Variants in ATL1 observed in about 807,000 individuals in gnomAD.
ATL1 encodes atlastin GTPase 1, also known as atlastin-1.
ATL1 carries 31 observed loss-of-function variants against 75.5 expected under a neutral mutation model. That is an observed-to-expected ratio of 0.41 (90% confidence interval 0.31 to 0.55). The LOEUF (loss-of-function observed/expected upper bound fraction) is 0.55, where lower values mean the gene tolerates loss of function less well. Among genes scored for constraint, ATL1 ranks in the 20% least tolerant of loss-of-function variants. The pLI is 0.27. For synonymous variants in ATL1, 226 were observed against 233.3 expected, an observed-to-expected ratio of 0.97 and a Z score of 0.28; for missense variants, 405 against 662.6, an observed-to-expected ratio of 0.61 and a Z score of 4.27.
chr14:50,557,403 G>A (rs2038777506), upstream of ATL1, among the ~76,000 whole-genome samples: 1 of 152,014 alleles, frequency 6.6e-6, no homozygotes, highest in African/African-American at 2.4e-5. Flanking sequence ...ACAGATGAAT[G>A]GATACTTTTT....
chr14:50,562,919 G>A (rs2038865313), intron 1 of ATL1, among the ~76,000 whole-genome samples: 1 of 152,108 alleles, frequency 6.6e-6, no homozygotes, highest in African/African-American at 2.4e-5. Flanking sequence ...TAACACAGTA[G>A]GCATTTAGTA....
intron 1 of ATL1, among the ~76,000 whole-genome samples, chr14:50,569,861 T>A (rs1413484832): frequency 1.3e-5 from 2 of 152,236 alleles, no homozygotes; most frequent in East Asian, 3.8e-4. Context: ...GCACTTAGAC[T>A]ATGTCTGCCC....
At position 50,623,912 on chromosome 14, in the gene ATL1, A is replaced by T. The variant is rs527848224; in HGVS notation, c.1119+664A>T. Among the ~76,000 whole-genome samples, 9 of 152,156 alleles carry T rather than the reference A, an allele frequency of 5.9e-5. No homozygotes were observed. The South Asian group carries it at 1.7e-3, about 28-fold the overall frequency. ...CTAAAATAACAAAAAAAAATTAGCC[A>T]GGCCTGATGGCACGCACCTGTAATC... On this transcript the variant is annotated intron_variant, in intron 11 of 13. Coordinates refer to ENST00000358385, the MANE Select transcript of ATL1 (RefSeq NM_015915.5).
intron 1 of ATL1, among the ~76,000 whole-genome samples, chr14:50,533,728 T>G (rs578226375): frequency 9.2e-5 from 14 of 152,348 alleles, no homozygotes; most frequent in African/African-American, 3.4e-4. Flanking sequence ...AACATCCAAT[T>G]TTTAATTCTG....
intron 1 of ATL1, among the ~76,000 whole-genome samples, chr14:50,542,205 C>G (rs1392590097): frequency 1.4e-5 from 2 of 147,432 alleles, no homozygotes; most frequent in Non-Finnish European, 3.0e-5. Context: ...CCTGCATGTT[C>G]TCACTCATAA....
At chr14:50,552,436 A>G (rs2038714203) in intron 1 of ATL1, among the ~76,000 whole-genome samples, 1 of 152,254 alleles carries the variant, frequency 6.6e-6, no homozygotes, top group Non-Finnish European at 1.5e-5. Context: ...ACATGACCAT[A>G]CTGCCAAAAG....
At chr14:50,547,430 G>A (rs1049422745) in intron 1 of ATL1, among the ~76,000 whole-genome samples, 1 of 152,148 alleles carries the variant, frequency 6.6e-6, no homozygotes, top group Middle Eastern at 3.2e-3. Flanking sequence ...TCTGTGAGCT[G>A]AATAAAAACA....
intron 1 of ATL1, among the ~76,000 whole-genome samples, chr14:50,571,239 G>A (rs2038952575): frequency 6.6e-6 from 1 of 152,132 alleles, no homozygotes; most frequent in Non-Finnish European, 1.5e-5. Context: ...AATTTTGGAG[G>A]ACAGGGGTTC....
intron 1 of ATL1, among the ~76,000 whole-genome samples, chr14:50,566,166 T>G (rs1395718033): frequency 6.6e-6 from 1 of 152,040 alleles, no homozygotes; most frequent in African/African-American, 2.4e-5. Flanking sequence ...CCCAGCTAAT[T>G]TTTGTATTTT....
At chr14:50,623,069 T>C (rs2039483151) in intron 10 of ATL1, 108 bp from the exon 11 acceptor site, 3 of 857,942 alleles carry the variant, frequency 3.5e-6, no homozygotes, top group Non-Finnish European at 5.8e-6. Flanking sequence ...TTGAGGACTT[T>C]GGTTTCTTGC....
chr14:50,566,861 T>TA (rs1213866144), intron 1 of ATL1, among the ~76,000 whole-genome samples: 4 of 150,764 alleles, frequency 2.7e-5, no homozygotes, highest in Non-Finnish European at 4.4e-5. Flanking sequence ...TTTTTATATT[T>TA]AAAAAAATCT....
Position 50,623,206 on chromosome 14 carries a change from C to G in ATL1, c.1077C>G (p.Ala359=), listed in dbSNP as rs762239498. ...QATAEANNLA[A]VATAKDTYNK... ...CAGCAGAAGCTAACAATTTAGCAGCCGTGGCAACTGCCAAGGACACATACA... is the reference window on the plus strand; with the variant it reads ...CAGCAGAAGCTAACAATTTAGCAGCGGTGGCAACTGCCAAGGACACATACA... Residue 359 remains alanine (A), a synonymous_variant, in exon 11 of 14, where the codon GCC becomes GCG. Coordinates refer to ENST00000358385, the MANE Select transcript of ATL1 (RefSeq NM_015915.5). 6 of 1,613,700 alleles carry G rather than the reference C, an allele frequency of 3.7e-6. No homozygotes were observed.
intron 1 of ATL1, among the ~76,000 whole-genome samples, chr14:50,552,450 T>C (rs1040584905): frequency 3.9e-5 from 6 of 152,150 alleles, no homozygotes. Flanking sequence ...CCAAAAGCAA[T>C]ATACAGATGC....
chr14:50,555,503 G>C (rs927407713), upstream of ATL1, among the ~76,000 whole-genome samples: 77 of 152,202 alleles, frequency 5.1e-4, no homozygotes, highest in African/African-American at 1.6e-3. Flanking sequence ...AGGCTGGTTT[G>C]AAACTCCTGA....
At chr14:50,629,922 AG>A (rs1471068105) in intron 12 of ATL1, 72 bp from the exon 13 acceptor site, 15 of 1,169,452 alleles carry the variant, frequency 1.3e-5, no homozygotes, top group Non-Finnish European at 1.8e-5. Context: ...TTGTAAGCAA[AG>A]TTGATTATAA....
At chr14:50,629,883 A>ATCTGG in intron 12 of ATL1, 112 bp from the exon 13 acceptor site, 1 of 348,644 alleles carries the variant, frequency 2.9e-6, no homozygotes, top group Non-Finnish European at 4.5e-6. Flanking sequence ...CTGCAGGAGT[A>ATCTGG]TCTGTTCTGA....
intron 5 of ATL1, among the ~76,000 whole-genome samples, chr14:50,594,488 T>TA (rs1197686797): frequency 2.6e-5 from 4 of 151,964 alleles, no homozygotes; most frequent in South Asian, 4.2e-4. Context: ...CACAGACATT[T>TA]AAAAAAAACA....
At chr14:50,566,074 T>C (rs189024934) in intron 1 of ATL1, among the ~76,000 whole-genome samples, 149 of 152,304 alleles carry the variant, frequency 9.8e-4, no homozygotes, top group African/African-American at 2.6e-3. Context: ...CTCAGCTCAC[T>C]GCAACCTCCG....
At chr14:50,565,255 A>G (rs1006013047) in intron 1 of ATL1, among the ~76,000 whole-genome samples, 24 of 152,088 alleles carry the variant, frequency 1.6e-4, no homozygotes, top group African/African-American at 5.8e-4. Context: ...GCACTACTGC[A>G]CTCCAGCCTG....
Sources: allele counts gnomAD v4.1 joint callset (sites outside exome capture counted in the v4.1 genomes callset), GRCh38; gene constraint gnomAD v4.1.1; transcripts MANE v1.5; gene names NCBI Gene and HGNC (gene_info 2026-07-23, HGNC 2026-07-21).